The following EIF2B3 variants were observed in gnomAD, a reference collection of about 807,000 sequenced individuals.
EIF2B3 encodes eukaryotic translation initiation factor 2B subunit gamma.
A neutral mutation model predicts 54.1 loss-of-function variants in EIF2B3; 20 were observed. That is an observed-to-expected ratio of 0.37 (90% CI 0.26 to 0.54). The LOEUF (loss-of-function observed/expected upper bound fraction) is 0.54, where lower values mean the gene tolerates loss of function less well. Ranked by LOEUF, EIF2B3 falls within the 20% of genes least tolerant of loss-of-function variation. The pLI, the probability that EIF2B3 is intolerant of heterozygous loss-of-function variation, is 0.86. For missense variants in EIF2B3, 448 were observed against 547.8 expected, an observed-to-expected ratio of 0.82 and a Z score of 1.82; for synonymous variants, 153 against 188.1, an observed-to-expected ratio of 0.81 and a Z score of 1.52.
intron 1 of EIF2B3, 113 bp downstream of exon 1, chr1:44,986,368 GGTCGAGCAGGGA>G (rs1644577722): frequency 6.6e-6 from 1 of 152,158 alleles, no homozygotes; most frequent in African/African-American, 2.4e-5. Context: ...AGCTACACCG[GGTCGAGCAGGGA>G]GTCGAGCTGA....
intron 10 of EIF2B3, among the ~76,000 whole-genome samples, chr1:44,872,817 T>C (rs1450245626): frequency 6.6e-6 from 1 of 152,190 alleles, no homozygotes; most frequent in Non-Finnish European, 1.5e-5. Context: ...CACTTCTTAC[T>C]GCACATAGTA....
At chr1:44,883,372 T>C (rs1422192942) in intron 6 of EIF2B3, among the ~76,000 whole-genome samples, 1 of 152,208 alleles carries the variant, frequency 6.6e-6, no homozygotes, top group Non-Finnish European at 1.5e-5. Context: ...CAATCATTTT[T>C]CCAAAGGTCA....
Position 44,951,954 on chromosome 1 carries a change from A to ATTTTTTTTTTTTTTTTTTTTTTT in EIF2B3, c.295-10312_295-10290dup, listed in dbSNP as rs1171020644. 2.2e-4 allele frequency among the ~76,000 whole-genome samples: 10 copies of ATTTTTTTTTTTTTTTTTTTTTTT among 44,652 alleles called. 1 individual carries two copies. Among genetic ancestry groups the ATTTTTTTTTTTTTTTTTTTTTTT allele is most frequent in the South Asian group, 8.7e-4 (1 of 1,148 alleles). 29.3% of individuals were successfully genotyped at this position (44,652 alleles called of 152,430 possible). The stretch of plus-strand genomic sequence containing the variant: ...AGGGGCGCACCACCATGCCTGGCTA[A>ATTTTTTTTTTTTTTTTTTTTTTT]TTTTTTTTTTTTTTTTTTTTTTTTT... On this transcript the variant is annotated intron_variant, in intron 3 of 11. Coordinates refer to ENST00000360403, the MANE Select transcript of EIF2B3 (RefSeq NM_020365.5).
chr1:44,914,498 AAAT>A (rs1296268760), intron 5 of EIF2B3, among the ~76,000 whole-genome samples: 1 of 152,222 alleles, frequency 6.6e-6, no homozygotes, highest in African/African-American at 2.4e-5. Flanking sequence ...ACAAAGAAAA[AAAT>A]AATAATCATC....
At chr1:44,854,744 C>T (rs182254969) in intron 11 of EIF2B3, among the ~76,000 whole-genome samples, 150 of 151,850 alleles carry the variant, frequency 9.9e-4, no homozygotes, top group African/African-American at 3.3e-3. Context: ...TGCACTACCA[C>T]GCCCGGCTAA....
chr1:44,874,966 G>T, intron 9 of EIF2B3, 140 bp from the exon 10 acceptor site: 2 of 1,066,358 alleles, frequency 1.9e-6, no homozygotes, highest in Non-Finnish European at 2.8e-6. Context: ...GTATTTCTCA[G>T]GGCCACAAGG....
intron 11 of EIF2B3, 58 bp downstream of exon 11, chr1:44,857,646 C>A: frequency 1.3e-6 from 2 of 1,494,962 alleles, no homozygotes; most frequent in South Asian, 2.3e-5. Context: ...CAGCCTTTGG[C>A]ATTATCAGTG....
At chr1:44,876,121 T>A (rs1054761367) in intron 8 of EIF2B3, among the ~76,000 whole-genome samples, 1 of 152,132 alleles carries the variant, frequency 6.6e-6, no homozygotes, top group African/African-American at 2.4e-5. Context: ...AGTGGCGTGA[T>A]CTCGGCTAGC....
chr1:44,938,295 A>G (rs1643979544), intron 4 of EIF2B3, among the ~76,000 whole-genome samples: 1 of 152,192 alleles, frequency 6.6e-6, no homozygotes, highest in African/African-American at 2.4e-5. Context: ...ATTTAGGTGA[A>G]TCTTAGCCTT....
chr1:44,875,522 G>A (rs1313319023), intron 9 of EIF2B3, 96 bp downstream of exon 9: 17 of 1,153,812 alleles, frequency 1.5e-5, no homozygotes, highest in African/African-American at 6.1e-5. Flanking sequence ...GGCTGATGAG[G>A]TTCAGGACTT....
chr1:44,980,534 A>G (rs1378853710), intron 2 of EIF2B3, among the ~76,000 whole-genome samples: 1 of 152,056 alleles, frequency 6.6e-6, no homozygotes, highest in African/African-American at 2.4e-5. Flanking sequence ...TGGCATAACT[A>G]TCTACCTAGC....
intron 5 of EIF2B3, among the ~76,000 whole-genome samples, chr1:44,910,170 G>C (rs997595586): frequency 6.6e-6 from 1 of 152,222 alleles, no homozygotes; most frequent in South Asian, 2.1e-4. Flanking sequence ...TTTTACTTAT[G>C]AACTATTAAA....
chr1:44,875,112 G>A (rs1240269060), intron 9 of EIF2B3, among the ~76,000 whole-genome samples: 1 of 152,174 alleles, frequency 6.6e-6, no homozygotes, highest in East Asian at 1.9e-4. Context: ...CTCTTAAAGA[G>A]TGTGCTCAAA....
intron 4 of EIF2B3, 81 bp downstream of exon 4, chr1:44,941,424 TA>T: frequency 6.8e-7 from 1 of 1,477,482 alleles, no homozygotes; most frequent in Non-Finnish European, 9.1e-7. Flanking sequence ...AGATTCTTAA[TA>T]AATGTTTTTT....
intron 5 of EIF2B3, among the ~76,000 whole-genome samples, chr1:44,917,912 T>C (rs553219183): frequency 2.0e-5 from 3 of 150,592 alleles, no homozygotes; most frequent in South Asian, 2.1e-4. Context: ...TAGCTGGGAC[T>C]ACAGGCGCCT....
intron 4 of EIF2B3, among the ~76,000 whole-genome samples, chr1:44,939,923 A>T (rs1486890427): frequency 1.3e-5 from 2 of 152,174 alleles, no homozygotes; most frequent in African/African-American, 4.8e-5. Flanking sequence ...CTGTGTAGGC[A>T]GAAAAGAATG....
At chr1:44,933,586 T>C (rs1016652903) in intron 4 of EIF2B3, among the ~76,000 whole-genome samples, 4 of 152,154 alleles carry the variant, frequency 2.6e-5, no homozygotes, top group African/African-American at 9.7e-5. Context: ...TATTATAATA[T>C]ATCTTAGATA....
chr1:44,944,300 G>C (rs1294829539), intron 3 of EIF2B3, among the ~76,000 whole-genome samples: 1 of 151,942 alleles, frequency 6.6e-6, no homozygotes, highest in African/African-American at 2.4e-5. Context: ...CAGGCTTCTG[G>C]ATAAGCTTTG....
At chr1:44,986,138 CTTTTTTTTT>C (rs66786376) in intron 1 of EIF2B3, among the ~76,000 whole-genome samples, 5 of 142,232 alleles carry the variant, frequency 3.5e-5, no homozygotes, top group African/African-American at 5.3e-5. Flanking sequence ...CTTTTCTTTT[CTTTTTTTTT>C]TTTTTTTTGA....
Sources: allele counts gnomAD v4.1 joint callset (sites outside exome capture counted in the v4.1 genomes callset), GRCh38; gene constraint gnomAD v4.1.1; transcripts MANE v1.5; gene names NCBI Gene and HGNC (gene_info 2026-07-23, HGNC 2026-07-21).